Variants in PACRG observed in about 807,000 individuals in gnomAD.
PACRG encodes parkin coregulated gene protein.
In PACRG, 29 loss-of-function variants were observed where a neutral mutation model predicts 29.7. The ratio of observed to expected loss-of-function variants is 0.98; its 90% CI spans 0.73 to 1.33. The LOEUF is 1.33. PACRG is among the 40% of genes most tolerant of loss of function. PACRG has a pLI of 0.00. For synonymous variants in PACRG, 116 were observed against 118.7 expected (o/e 0.98, Z 0.15); for missense variants, 279 against 316.2 (o/e 0.88, Z 0.89).
chr6:163,052,624 TAA>T (rs999969658), intron 2 of PACRG, among the ~76,000 whole-genome samples: 12 of 152,296 alleles, frequency 7.9e-5, no homozygotes, highest in African/African-American at 2.9e-4. Context: ...ACCATGATTA[TAA>T]GTTTCCTGAG....
At chr6:162,968,274 T>C (rs117582731) in intron 2 of PACRG, among the ~76,000 whole-genome samples, 312 of 152,346 alleles carry the variant, frequency 2.0e-3, no homozygotes, top group Non-Finnish European at 3.2e-3. Flanking sequence ...GAAAATAGCA[T>C]TGGTTGTTCA....
intron 4 of PACRG, among the ~76,000 whole-genome samples, chr6:163,173,913 T>C (rs1272354121): frequency 1.3e-5 from 2 of 152,218 alleles, no homozygotes; most frequent in African/African-American, 4.8e-5. Flanking sequence ...AGGTAAATAC[T>C]AAAGGACGTC....
chr6:163,130,064 A>C (rs1816673131), intron 4 of PACRG, among the ~76,000 whole-genome samples: 1 of 152,220 alleles, frequency 6.6e-6, no homozygotes, highest in African/African-American at 2.4e-5. Context: ...CAAAAGAAGT[A>C]AAAGGAGAAA....
At chr6:163,184,309 T>G (rs1275253288) in intron 4 of PACRG, among the ~76,000 whole-genome samples, 1 of 152,216 alleles carries the variant, frequency 6.6e-6, no homozygotes, top group Non-Finnish European at 1.5e-5. Context: ...CTTAAGAGTC[T>G]GGTAAATCCT....
At chr6:162,897,412 C>T in intron 2 of PACRG, among the ~76,000 whole-genome samples, 1 of 152,200 alleles carries the variant, frequency 6.6e-6, no homozygotes, top group Non-Finnish European at 1.5e-5. Context: ...CATCAAGTAC[C>T]TGTGCCTGAT....
intron 4 of PACRG, among the ~76,000 whole-genome samples, chr6:163,220,457 A>C (rs1462491401): frequency 6.6e-6 from 1 of 152,170 alleles, no homozygotes; most frequent in Non-Finnish European, 1.5e-5. Context: ...AGTAGACCTG[A>C]GAACAAGGGT....
intron 4 of PACRG, among the ~76,000 whole-genome samples, chr6:163,157,906 C>T (rs1466895318): frequency 6.6e-6 from 1 of 152,144 alleles, no homozygotes; most frequent in African/African-American, 2.4e-5. Flanking sequence ...CCTTAGTAGA[C>T]AACTAATGAA....
intron 4 of PACRG, chr6:163,101,085 T>A (rs1815059608): frequency 1.0e-6 from 1 of 981,162 alleles, no homozygotes; most frequent in Non-Finnish European, 1.2e-6. Context: ...TACAATGAAA[T>A]TAAAAATCAT....
intron 2 of PACRG, among the ~76,000 whole-genome samples, chr6:163,040,552 G>A (rs938025717): frequency 1.3e-5 from 2 of 152,248 alleles, no homozygotes; most frequent in East Asian, 3.9e-4. Flanking sequence ...GCCCGTGAAA[G>A]CAGATGCAGG....
intron 4 of PACRG, among the ~76,000 whole-genome samples, chr6:163,173,619 G>A (rs1040400296): frequency 8.5e-5 from 13 of 152,268 alleles, no homozygotes; most frequent in Middle Eastern, 3.4e-3. Context: ...GCTCTCCCCC[G>A]CAAGTGGCAT....
At chr6:162,800,530 C>T (rs1785768053) in intron 1 of PACRG, among the ~76,000 whole-genome samples, 2 of 152,110 alleles carry the variant, frequency 1.3e-5, no homozygotes, top group Admixed American at 6.6e-5. Flanking sequence ...TTATGTCATA[C>T]AGTTATTACA....
chr6:163,228,125 G>A (rs1362651356), intron 4 of PACRG, among the ~76,000 whole-genome samples: 1 of 151,862 alleles, frequency 6.6e-6, no homozygotes, highest in Non-Finnish European at 1.5e-5. Context: ...AGATATATAT[G>A]TATATTAGAA....
intron 2 of PACRG, among the ~76,000 whole-genome samples, chr6:162,922,705 A>G (rs1797153266): frequency 6.6e-6 from 1 of 152,042 alleles, no homozygotes; most frequent in African/African-American, 2.4e-5. Flanking sequence ...CCTTAGCATA[A>G]TGTCCTCCAG....
chr6:163,200,439 G>A lies in PACRG; in HGVS notation c.613+111031G>A, dbSNP rs190902861. On this transcript the variant is annotated intron_variant, in intron 4 of 4. Transcript: ENST00000366888. Reference sequence around the variant, plus strand: ...ATCTAGACCATTTGCGTGACCTCGCGCAAAGGCAACAGTACTAACCTTGGA... The same window carrying A: ...ATCTAGACCATTTGCGTGACCTCGCACAAAGGCAACAGTACTAACCTTGGA... Among the ~76,000 whole-genome samples, 461 of 152,146 alleles carry A rather than the reference G, an allele frequency of 3.0e-3. 2 individuals carry two copies. The highest frequency in any genetic ancestry group is 0.011 in the African/African-American group (436 of 41,504).
At chr6:162,802,797 A>C (rs1167081790) in intron 1 of PACRG, among the ~76,000 whole-genome samples, 2 of 152,108 alleles carry the variant, frequency 1.3e-5, no homozygotes, top group African/African-American at 4.8e-5. Context: ...AAAACAAAAA[A>C]AATGGTCTCT....
intron 1 of PACRG, among the ~76,000 whole-genome samples, chr6:162,771,558 C>G (rs543103668): frequency 6.6e-6 from 1 of 151,798 alleles, no homozygotes; most frequent in South Asian, 2.1e-4. Context: ...GGCATTTTTA[C>G]GAAGACCAGG....
chr6:163,104,428 A>T (rs886852552), intron 4 of PACRG, among the ~76,000 whole-genome samples: 1 of 152,146 alleles, frequency 6.6e-6, no homozygotes, highest in African/African-American at 2.4e-5. Flanking sequence ...AATAGCTCAG[A>T]CTGGGTAATT....
intron 2 of PACRG, among the ~76,000 whole-genome samples, chr6:163,012,551 C>T (rs910827782): frequency 1.3e-5 from 2 of 152,250 alleles, no homozygotes; most frequent in African/African-American, 4.8e-5. Context: ...TGCTGTGACG[C>T]ATAGCCCTGG....
intron 2 of PACRG, among the ~76,000 whole-genome samples, chr6:162,982,727 T>C (rs1370982692): frequency 6.6e-6 from 1 of 152,120 alleles, no homozygotes; most frequent in Non-Finnish European, 1.5e-5. Flanking sequence ...GCCTATCATA[T>C]GGTCTATCTT....
Sources: allele counts gnomAD v4.1 joint callset (sites outside exome capture counted in the v4.1 genomes callset), GRCh38; gene constraint gnomAD v4.1.1; transcripts MANE v1.5; gene names NCBI Gene and HGNC (gene_info 2026-07-23, HGNC 2026-07-21).